Variants in RXRG observed in about 807,000 individuals in gnomAD.
RXRG encodes the protein retinoic acid receptor RXR-gamma.
A neutral mutation model predicts 49.2 loss-of-function variants in RXRG; 19 were observed. That is an observed-to-expected ratio of 0.39 (90% CI 0.27 to 0.57). RXRG has a LOEUF of 0.57. Ranked by LOEUF, RXRG falls within the 20% of genes least tolerant of loss-of-function variation. The pLI is 0.64. For synonymous variants in RXRG, 224 were observed against 216.6 expected, an observed-to-expected ratio of 1.03 and a Z score of -0.30; for missense variants, 452 against 592.5, an observed-to-expected ratio of 0.76 and a Z score of 2.46.
intron 7 of RXRG, 60 bp downstream of exon 7, chr1:165,409,492 TACACAC>T (rs55949511): frequency 0.043 from 49,983 of 1,150,516 alleles, 374 homozygotes; most frequent in East Asian, 0.19. Flanking sequence ...CACATGTGTA[TACACAC>T]ACACACACAC....
chr1:165,407,169 C>T (rs1234415400), intron 8 of RXRG, among the ~76,000 whole-genome samples: 1 of 152,226 alleles, frequency 6.6e-6, no homozygotes. Context: ...AGGAGGAGAG[C>T]TTAATTTTAT....
intron 1 of RXRG, among the ~76,000 whole-genome samples, chr1:165,440,930 G>A (rs1290177092): frequency 1.3e-5 from 2 of 152,186 alleles, no homozygotes; most frequent in East Asian, 1.9e-4. Flanking sequence ...TAGTTTATAC[G>A]AAATATGTTC....
chr1:165,406,974 C>A, intron 8 of RXRG, 57 bp from the exon 9 acceptor site: 1 of 1,279,704 alleles, frequency 7.8e-7, no homozygotes, highest in East Asian at 2.3e-5. Flanking sequence ...GAGGCTGTCC[C>A]CATTCTCTCT....
intron 2 of RXRG, among the ~76,000 whole-genome samples, chr1:165,423,915 A>G (rs1658402133): frequency 6.6e-6 from 1 of 152,202 alleles, no homozygotes; most frequent in African/African-American, 2.4e-5. Context: ...TTCTATGAAA[A>G]TGCAAACAGA....
At chr1:165,427,592 G>GCCACCACA in intron 2 of RXRG, among the ~76,000 whole-genome samples, 1 of 152,080 alleles carries the variant, frequency 6.6e-6, no homozygotes, top group South Asian at 2.1e-4. Flanking sequence ...ACAGGCACCT[G>GCCACCACA]CCACCACACC....
At chr1:165,427,287 C>G (rs1398753494) in intron 2 of RXRG, among the ~76,000 whole-genome samples, 2 of 152,188 alleles carry the variant, frequency 1.3e-5, no homozygotes, top group African/African-American at 4.8e-5. Flanking sequence ...GATTATTGTT[C>G]CTAATACTTC....
intron 1 of RXRG, among the ~76,000 whole-genome samples, chr1:165,437,966 ATC>A (rs1158851255): frequency 1.2e-4 from 19 of 152,356 alleles, no homozygotes; most frequent in African/African-American, 4.1e-4. Context: ...CAAATTCTAG[ATC>A]TATAATAATT....
chr1:165,440,828 G>C (rs1658960236), intron 1 of RXRG, among the ~76,000 whole-genome samples: 1 of 152,168 alleles, frequency 6.6e-6, no homozygotes, highest in African/African-American at 2.4e-5. Context: ...GGAAGGAAGA[G>C]GTGGGGCATT....
intron 9 of RXRG, among the ~76,000 whole-genome samples, chr1:165,402,107 C>T (rs904449418): frequency 2.0e-5 from 3 of 150,064 alleles, no homozygotes; most frequent in African/African-American, 2.5e-5. Context: ...TTTTTGAGAC[C>T]GAGTTTCACT....
chr1:165,414,243 ATTCT>A (rs1658052957), intron 4 of RXRG, among the ~76,000 whole-genome samples: 1 of 152,156 alleles, frequency 6.6e-6, no homozygotes, highest in South Asian at 2.1e-4. Context: ...GCTTTTCACT[ATTCT>A]TTCTGTTTCT....
At chr1:165,408,022 C>A in intron 8 of RXRG, among the ~76,000 whole-genome samples, 1 of 152,164 alleles carries the variant, frequency 6.6e-6, no homozygotes, top group East Asian at 1.9e-4. Context: ...CTTTCATCTT[C>A]CCCACTTGCC....
intron 3 of RXRG, among the ~76,000 whole-genome samples, chr1:165,418,585 G>T (rs1373196616): frequency 6.6e-6 from 1 of 152,104 alleles, no homozygotes; most frequent in East Asian, 1.9e-4. Flanking sequence ...TTGCCTCATT[G>T]GTTGACCATA....
chr1:165,440,591 C>A (rs1297672418), intron 1 of RXRG, among the ~76,000 whole-genome samples: 2 of 152,206 alleles, frequency 1.3e-5, no homozygotes, highest in African/African-American at 4.8e-5. Context: ...GATACTCAAC[C>A]TGTATTTTCA....
chr1:165,409,455 A>C (rs1319408993), intron 7 of RXRG, 103 bp downstream of exon 7: 49 of 1,246,444 alleles, frequency 3.9e-5, no homozygotes, highest in Non-Finnish European at 4.7e-5. Context: ...CCAGAGGTTC[A>C]TGCCCACGTG....
intron 1 of RXRG, among the ~76,000 whole-genome samples, chr1:165,429,856 C>A (rs115937685): frequency 0.017 from 2,553 of 152,232 alleles, 34 homozygotes; most frequent in Admixed American, 0.028. Context: ...CCCCTGTAGT[C>A]AGTAGCAAAC....
At chr1:165,413,338 A>G (rs1008274882) in intron 4 of RXRG, among the ~76,000 whole-genome samples, 1 of 152,176 alleles carries the variant, frequency 6.6e-6, no homozygotes, top group Non-Finnish European at 1.5e-5. Flanking sequence ...ACTTATTACA[A>G]TAGGCAAAAT....
intron 9 of RXRG, among the ~76,000 whole-genome samples, chr1:165,405,339 G>T (rs1009195081): frequency 6.6e-6 from 1 of 152,220 alleles, no homozygotes; most frequent in African/African-American, 2.4e-5. Flanking sequence ...TGGCAGCCAG[G>T]TCCTGACCCC....
At chr1:165,414,109 C>G (rs912395345) in intron 4 of RXRG, among the ~76,000 whole-genome samples, 1 of 152,146 alleles carries the variant, frequency 6.6e-6, no homozygotes, top group Non-Finnish European at 1.5e-5. Flanking sequence ...GAAATGCGCC[C>G]CCTTATATAG....
chr1:165,408,309 A>G lies in RXRG; in HGVS notation c.1056T>C (p.Thr352=). Residue 352 remains threonine, a synonymous_variant, in exon 8 of 10, where the codon ACT becomes ACC. Coordinates refer to ENST00000359842, the MANE Select transcript of RXRG (RefSeq NM_006917.5). The stretch of plus-strand genomic sequence containing the variant: ...TGTCTTTCATTTTGGAAACCAGCTC[A>G]GTTAGGACTCTGTTAACAGGAAACA... ...GVGSIFDRVL[T]ELVSKMKDMQ... is the part of the protein sequence containing the mutation. 1 of 1,610,396 alleles carries G rather than the reference A, an allele frequency of 6.2e-7. No individual in the cohort carries two copies. The highest frequency in any genetic ancestry group is 8.5e-7 in the Non-Finnish European group (1 of 1,176,500).
Sources: gnomAD v4.1 joint callset for allele counts (sites outside exome capture counted in the v4.1 genomes callset) on GRCh38, gnomAD v4.1.1 for gene constraint, MANE v1.5 for transcripts, NCBI Gene and HGNC (gene_info 2026-07-23, HGNC 2026-07-21) for gene names.